Variants in SNX29 observed in about 807,000 individuals in gnomAD.
SNX29 encodes the protein sorting nexin 29.
SNX29 carries 78 observed loss-of-function variants against 102.1 expected under a neutral mutation model. The ratio of observed to expected loss-of-function variants is 0.76; its 90% confidence interval spans 0.64 to 0.92. The LOEUF is 0.92. Among genes scored for constraint, SNX29 ranks in the 40% least tolerant of loss-of-function variants. The pLI is 0.00. For missense variants in SNX29, 1,280 were observed against 1,061.7 expected (o/e 1.21, Z -2.86); for synonymous variants, 580 against 414.5 (o/e 1.40, Z -4.85).
chr16:12,522,310 C>G (rs1438243476), intron 19 of SNX29, among the ~76,000 whole-genome samples: 1 of 150,958 alleles, frequency 6.6e-6, no homozygotes, highest in African/African-American at 2.5e-5. Flanking sequence ...CTCATTCGCT[C>G]AGTCTGCCAG....
chr16:12,539,816 C>T (rs1390921751), intron 20 of SNX29, among the ~76,000 whole-genome samples: 1 of 151,916 alleles, frequency 6.6e-6, no homozygotes, highest in African/African-American at 2.4e-5. Context: ...TGGATGTTTT[C>T]CTTTAACACA....
intron 18 of SNX29, among the ~76,000 whole-genome samples, chr16:12,463,476 C>T (rs2086903519): frequency 6.6e-6 from 1 of 152,128 alleles, no homozygotes; most frequent in Non-Finnish European, 1.5e-5. Flanking sequence ...AAAGCTTGTG[C>T]AGAGAAACTC....
At chr16:12,087,743 A>G (rs2052279300) in intron 11 of SNX29, 3 of 414,012 alleles carry the variant, frequency 7.2e-6, no homozygotes, top group South Asian at 5.4e-5. Flanking sequence ...AAAGTCACTG[A>G]GGCAGAGGCC....
At chr16:12,259,003 G>C (rs981888370) in intron 14 of SNX29, among the ~76,000 whole-genome samples, 1 of 152,114 alleles carries the variant, frequency 6.6e-6, no homozygotes, top group East Asian at 1.9e-4. Flanking sequence ...AGCAGACAGA[G>C]AGCTGGATTC....
At chr16:11,992,894 G>T (rs886291928) in intron 1 of SNX29, among the ~76,000 whole-genome samples, 5 of 152,190 alleles carry the variant, frequency 3.3e-5, no homozygotes, top group African/African-American at 1.2e-4. Context: ...GGGCGTGGGG[G>T]CTCACGCCTG....
intron 18 of SNX29, among the ~76,000 whole-genome samples, chr16:12,420,679 AATGAG>A (rs1335239237): frequency 6.6e-6 from 1 of 152,224 alleles, no homozygotes; most frequent in African/African-American, 2.4e-5. Flanking sequence ...ATAAGGATTA[AATGAG>A]ATGATAGAGG....
intron 19 of SNX29, among the ~76,000 whole-genome samples, chr16:12,493,275 G>A (rs1196093804): frequency 6.6e-6 from 1 of 152,036 alleles, no homozygotes; most frequent in Non-Finnish European, 1.5e-5. Context: ...GGATTCCTAG[G>A]TATTTTATTC....
At chr16:12,234,036 T>C (rs1596579344) in intron 14 of SNX29, among the ~76,000 whole-genome samples, 1 of 152,240 alleles carries the variant, frequency 6.6e-6, no homozygotes, top group African/African-American at 2.4e-5. Flanking sequence ...ACTTTTTGGC[T>C]GTGATAAATA....
intron 16 of SNX29, chr16:12,375,353 T>C (rs2082834169): frequency 1.3e-5 from 2 of 152,246 alleles, no homozygotes; most frequent in African/African-American, 2.4e-5. Context: ...GTGTAACAAA[T>C]TGTCCCAACA....
At chr16:12,403,348 C>A in intron 17 of SNX29, 100 bp from the exon 18 acceptor site, 1 of 1,188,326 alleles carries the variant, frequency 8.4e-7, no homozygotes, top group Non-Finnish European at 1.2e-6. Context: ...TGCATAATAC[C>A]TCTTGGAGTA....
rs1043675225 is a variant in SNX29, at chr16:12,568,952, G to A, written c.*323G>A. On this transcript the variant is annotated 3_prime_UTR_variant, in exon 21 of 21. Transcript: ENST00000566228. Reference sequence around the variant, plus strand: ...GGGCTGGCAGGAGGGTGGGCACCAGGTCAGGCTGGGTGCGCCATGGTTGAG... The same window carrying A: ...GGGCTGGCAGGAGGGTGGGCACCAGATCAGGCTGGGTGCGCCATGGTTGAG... 7.8e-6 allele frequency: 3 copies of A among 385,974 alleles called. No individual in the cohort carries two copies. The highest frequency in any genetic ancestry group is 4.6e-5 in the East Asian group (1 of 21,938). The allele number at this position is 385,974 out of a possible 1,614,324, so 23.9% of individuals were successfully genotyped here. A position where few individuals can be genotyped will look rare whatever the true frequency, so the allele number is the denominator to read the frequency against.
At chr16:12,410,959 C>G (rs1158465213) in intron 18 of SNX29, among the ~76,000 whole-genome samples, 1 of 152,172 alleles carries the variant, frequency 6.6e-6, no homozygotes, top group East Asian at 1.9e-4. Context: ...CTCAAGTTCT[C>G]TTTTACCCAC....
At chr16:12,561,863 C>G (rs913031884) in intron 20 of SNX29, among the ~76,000 whole-genome samples, 20 of 152,148 alleles carry the variant, frequency 1.3e-4, no homozygotes, top group African/African-American at 4.1e-4. Flanking sequence ...GCCCTGGGGA[C>G]TTATGGGCTG....
chr16:12,572,057 A>AC lies in SNX29; in HGVS notation c.*3430dup. The stretch of plus-strand genomic sequence containing the variant: ...ATCCAGTGGAGTTGTAAACAAGGGA[A>AC]CCATCTTGCAAGATCTAGGAAGAGG... On this transcript the variant is annotated 3_prime_UTR_variant, in exon 21 of 21. Transcript: ENST00000566228. 1 of 1,062,880 alleles carries AC rather than the reference A, an allele frequency of 9.4e-7. No individual in the cohort carries two copies. The highest frequency in any genetic ancestry group is 1.1e-6 in the Non-Finnish European group (1 of 877,764). 65.8% of individuals were successfully genotyped at this position (1,062,880 alleles called of 1,614,324 possible).
At chr16:12,002,859 G>A (rs961896537) in intron 2 of SNX29, 132 bp from the exon 3 acceptor site, 29 of 919,642 alleles carry the variant, frequency 3.2e-5, no homozygotes, top group African/African-American at 8.2e-5. Flanking sequence ...GGACAGGGAC[G>A]TCCTCACTTG....
intron 16 of SNX29, among the ~76,000 whole-genome samples, chr16:12,397,919 T>C (rs1049417730): frequency 1.3e-5 from 2 of 152,132 alleles, no homozygotes; most frequent in African/African-American, 2.4e-5. Context: ...TTAGTTTCTC[T>C]CCCCTAGTCA....
intron 17 of SNX29, among the ~76,000 whole-genome samples, chr16:12,402,299 C>T (rs1391793283): frequency 6.6e-6 from 1 of 152,202 alleles, no homozygotes; most frequent in Non-Finnish European, 1.5e-5. Context: ...ATGGTCTTTA[C>T]TCTAGAGGTT....
At chr16:12,077,027 A>C (rs1490544278) in intron 10 of SNX29, among the ~76,000 whole-genome samples, 1 of 152,160 alleles carries the variant, frequency 6.6e-6, no homozygotes, top group Non-Finnish European at 1.5e-5. Context: ...TAATCTCAGC[A>C]CTTTGGGAGG....
intron 2 of SNX29, chr16:12,000,334 T>C (rs2056241138): frequency 6.6e-6 from 1 of 152,274 alleles, no homozygotes; most frequent in Non-Finnish European, 1.5e-5. Flanking sequence ...TGGTTTCATT[T>C]TACGGATGAA....
Sources: allele counts gnomAD v4.1 joint callset (sites outside exome capture counted in the v4.1 genomes callset), GRCh38; gene constraint gnomAD v4.1.1; transcripts MANE v1.5; gene names NCBI Gene and HGNC (gene_info 2026-07-23, HGNC 2026-07-21).